MARK1: variants seen among roughly 807,000 people sequenced by gnomAD.
MARK1 encodes serine/threonine-protein kinase MARK1.
A neutral mutation model predicts 96.3 loss-of-function variants in MARK1; 40 were observed. That is an observed-to-expected ratio of 0.42 (90% CI 0.32 to 0.54). The LOEUF (loss-of-function observed/expected upper bound fraction) is 0.54, where lower values mean the gene tolerates loss of function less well. Ranked by LOEUF, MARK1 falls within the 20% of genes least tolerant of loss-of-function variation. MARK1 has a pLI of 0.16. For missense variants in MARK1, 719 were observed against 984.6 expected (o/e 0.73, Z 3.61); for synonymous variants, 317 against 341.2 (o/e 0.93, Z 0.78).
chr1:220,625,471 A>G (rs973744235), intron 9 of MARK1, among the ~76,000 whole-genome samples: 15 of 152,258 alleles, frequency 9.9e-5, no homozygotes, highest in Non-Finnish European at 4.4e-5. Context: ...CCAAAATATT[A>G]CATAACAACA....
intron 5 of MARK1, among the ~76,000 whole-genome samples, chr1:220,601,153 C>G (rs905229510): frequency 1.3e-5 from 2 of 152,044 alleles, no homozygotes; most frequent in South Asian, 4.1e-4. Context: ...CTCCTGACCT[C>G]GTGATCTGCC....
chr1:220,595,411 T>C (rs1245104333), intron 3 of MARK1, among the ~76,000 whole-genome samples: 1 of 152,100 alleles, frequency 6.6e-6, no homozygotes, highest in Non-Finnish European at 1.5e-5. Context: ...GGTGAAGAGT[T>C]CAAAACTCTG....
chr1:220,621,734 AATTATTG>A (rs1373033895), intron 9 of MARK1, among the ~76,000 whole-genome samples: 1 of 152,062 alleles, frequency 6.6e-6, no homozygotes, highest in East Asian at 1.9e-4. Flanking sequence ...TAGTGTCATG[AATTATTG>A]ATTAGAGTAT....
intron 5 of MARK1, among the ~76,000 whole-genome samples, chr1:220,602,759 T>C (rs910535186): frequency 6.6e-6 from 1 of 152,082 alleles, no homozygotes; most frequent in Admixed American, 6.6e-5. Flanking sequence ...CTGTCTAACA[T>C]TGTAGATGTA....
intron 1 of MARK1, among the ~76,000 whole-genome samples, chr1:220,539,018 G>A (rs1238119900): frequency 2.6e-5 from 4 of 152,032 alleles, no homozygotes; most frequent in South Asian, 2.1e-4. Context: ...CTGCAAACAC[G>A]GACAATTTGA....
intron 3 of MARK1, among the ~76,000 whole-genome samples, chr1:220,586,153 C>G (rs1197092004): frequency 2.0e-5 from 3 of 152,224 alleles, no homozygotes; most frequent in African/African-American, 4.8e-5. Flanking sequence ...GTCCAAAAAT[C>G]AAATTCATTA....
Position 220,560,620 on chromosome 1 carries a change from G to A in MARK1, c.52-18734G>A, listed in dbSNP as rs187264465. On this transcript the variant is annotated intron_variant, in intron 1 of 17. Transcript: ENST00000366917. ...GAGATGGCTACTAAGTGACTAATGGGTGGAAAGCCTATACAGCATGTGTAT... is the reference window on the plus strand; with the variant it reads ...GAGATGGCTACTAAGTGACTAATGGATGGAAAGCCTATACAGCATGTGTAT... 2.1e-4 allele frequency among the ~76,000 whole-genome samples: 32 copies of A among 152,314 alleles called. 1 individual carries two copies. The highest frequency in any genetic ancestry group is 7.2e-4 in the African/African-American group (30 of 41,582).
At chr1:220,636,926 A>C (rs1470382259) in intron 13 of MARK1, among the ~76,000 whole-genome samples, 1 of 151,828 alleles carries the variant, frequency 6.6e-6, no homozygotes, top group African/African-American at 2.4e-5. Context: ...AAGGAACAAG[A>C]TTCAGATTGA....
intron 9 of MARK1, among the ~76,000 whole-genome samples, chr1:220,629,640 T>C (rs1667557556): frequency 6.6e-6 from 1 of 152,226 alleles, no homozygotes; most frequent in Admixed American, 6.5e-5. Context: ...ATCACCATTC[T>C]ATTATACTTT....
At chr1:220,547,767 C>T (rs897051542) in intron 1 of MARK1, among the ~76,000 whole-genome samples, 3 of 152,180 alleles carry the variant, frequency 2.0e-5, no homozygotes, top group East Asian at 1.9e-4. Flanking sequence ...AGTGTTTCAC[C>T]GTGTTGGCCA....
chr1:220,577,195 C>A (rs1663922046), intron 1 of MARK1, among the ~76,000 whole-genome samples: 1 of 152,032 alleles, frequency 6.6e-6, no homozygotes, highest in South Asian at 2.1e-4. Context: ...GTGGGAAGAT[C>A]ACTTGAGGCT....
chr1:220,637,295 C>T (rs1019891955), intron 13 of MARK1, among the ~76,000 whole-genome samples: 11 of 152,012 alleles, frequency 7.2e-5, no homozygotes, highest in Non-Finnish European at 1.3e-4. Context: ...TGAATAGTAT[C>T]CAGGGCATAA....
At chr1:220,611,608 T>C (rs1666448357) in intron 6 of MARK1, among the ~76,000 whole-genome samples, 2 of 152,330 alleles carry the variant, frequency 1.3e-5, no homozygotes, top group Admixed American at 1.3e-4. Flanking sequence ...GGTACCTCAG[T>C]TGGAAATATA....
intron 1 of MARK1, among the ~76,000 whole-genome samples, chr1:220,556,258 A>G (rs1013983842): frequency 1.3e-5 from 2 of 152,208 alleles, no homozygotes; most frequent in Admixed American, 6.5e-5. Context: ...GGAGTTGACA[A>G]GGAAGCTTGT....
rs1301784286 is a variant in MARK1 at position 220,528,597 on chromosome 1, C to A, written c.-226C>A. The stretch of plus-strand genomic sequence containing the variant: ...CCCGAAGCCCTCCCTCGTTACTGTC[C>A]GCATACCCCGGCGGCGCCGCCGCGG... On this transcript the variant is annotated 5_prime_UTR_variant, in exon 1 of 18. Transcript: ENST00000366917. 6.1e-6 allele frequency: 3 copies of A among 490,326 alleles called. No homozygotes were observed. The highest frequency in any genetic ancestry group is 1.1e-5 in the Non-Finnish European group (3 of 279,348). The allele number at this position is 490,326 out of a possible 1,614,324, so 30.4% of individuals were successfully genotyped here. A position where few individuals can be genotyped will look rare whatever the true frequency, so the allele number is the denominator to read the frequency against.
intron 1 of MARK1, among the ~76,000 whole-genome samples, chr1:220,569,193 T>C (rs968302816): frequency 3.9e-5 from 6 of 152,198 alleles, no homozygotes; most frequent in African/African-American, 1.4e-4. Flanking sequence ...CTGTGAAATA[T>C]CTGTATACAT....
intron 16 of MARK1, among the ~76,000 whole-genome samples, chr1:220,655,016 C>A (rs776865149): frequency 6.6e-6 from 1 of 152,212 alleles, no homozygotes; most frequent in African/African-American, 2.4e-5. Context: ...GCTATTGCTA[C>A]GGCAGTGAGT....
intron 16 of MARK1, among the ~76,000 whole-genome samples, chr1:220,655,407 A>G (rs1482338799): frequency 6.6e-6 from 1 of 152,196 alleles, no homozygotes; most frequent in Non-Finnish European, 1.5e-5. Flanking sequence ...GATACGTTAT[A>G]GACTCTGAAA....
At chr1:220,661,399 T>G (rs897233523) in intron 17 of MARK1, among the ~76,000 whole-genome samples, 3 of 152,148 alleles carry the variant, frequency 2.0e-5, no homozygotes, top group African/African-American at 7.2e-5. Flanking sequence ...ACGACATTCC[T>G]CCTATCCAAA....
Sources: gnomAD v4.1 joint callset for allele counts (sites outside exome capture counted in the v4.1 genomes callset) on GRCh38, gnomAD v4.1.1 for gene constraint, MANE v1.5 for transcripts, NCBI Gene and HGNC (gene_info 2026-07-23, HGNC 2026-07-21) for gene names.